The following GPA33 variants were observed in gnomAD, a reference collection of about 807,000 sequenced individuals.
The protein encoded by GPA33 is glycoprotein A33.
In GPA33, 27 loss-of-function variants were observed where a neutral mutation model predicts 35.6. The ratio of observed to expected loss-of-function variants is 0.76; its 90% confidence interval spans 0.56 to 1.04. The LOEUF (loss-of-function observed/expected upper bound fraction) is 1.04, where lower values mean the gene tolerates loss of function less well. GPA33 is among the 50% of genes least tolerant of loss of function. GPA33 has a pLI of 0.00. For missense variants in GPA33, 428 were observed against 411.9 expected, an observed-to-expected ratio of 1.04 and a Z score of -0.34; for synonymous variants, 176 against 164.0, an observed-to-expected ratio of 1.07 and a Z score of -0.56.
At chr1:167,070,866 C>G (rs1487640305) in intron 2 of GPA33, among the ~76,000 whole-genome samples, 1 of 152,108 alleles carries the variant, frequency 6.6e-6, no homozygotes, top group Non-Finnish European at 1.5e-5. Flanking sequence ...GGCAGACTTC[C>G]AGGGTAAGAG....
At position 167,055,796 on chromosome 1, in the gene GPA33, A is replaced by G; in HGVS notation, c.625T>C (p.Tyr209His). 1 of 1,613,930 alleles carries G rather than the reference A, an allele frequency of 6.2e-7. No individual in the cohort carries two copies. The highest frequency in any genetic ancestry group is 8.5e-7 in the Non-Finnish European group (1 of 1,179,840). The change falls in exon 5 of 7, where the codon TAC (tyrosine) becomes CAC (histidine). Residue 209 changes from tyrosine (Y) to histidine (H), a missense_variant. By Grantham distance (83) the Tyr-to-His change is moderately conservative. Transcript: ENST00000367868. Reference sequence around the variant, plus strand: ...TCCTCATTGCTGGAGGTACAGATGTAGTAACCCGATGTGTCTGTGGAGATA... The same window carrying G: ...TCCTCATTGCTGGAGGTACAGATGTGGTAACCCGATGTGTCTGTGGAGATA... ...KNISTDTSGYYICTSSNEEGT... is the reference protein window; with the variant it reads ...KNISTDTSGYHICTSSNEEGT...
chr1:167,077,100 G>T (rs1045613715), intron 1 of GPA33, among the ~76,000 whole-genome samples: 5 of 152,078 alleles, frequency 3.3e-5, no homozygotes, highest in Non-Finnish European at 7.4e-5. Flanking sequence ...CAGCTACTCA[G>T]GAGGCTGAGG....
intron 1 of GPA33, among the ~76,000 whole-genome samples, chr1:167,086,308 C>A (rs922138106): frequency 6.6e-6 from 1 of 152,216 alleles, no homozygotes; most frequent in Non-Finnish European, 1.5e-5. Context: ...AGATGGTGGG[C>A]GGGCCGCTTA....
At chr1:167,085,842 G>A (rs776132178) in intron 1 of GPA33, among the ~76,000 whole-genome samples, 7 of 152,102 alleles carry the variant, frequency 4.6e-5, no homozygotes, top group South Asian at 2.1e-4. Context: ...GTTCCAATTC[G>A]TCTCTACACC....
At position 167,063,641 on chromosome 1, in the gene GPA33, G is replaced by A. The variant is rs748736699; in HGVS notation, c.512C>T (p.Pro171Leu). Residue 171 changes from proline (P) to leucine (L), a missense_variant, in exon 4 of 7, where the codon CCT (proline) becomes CTT (leucine). Coordinates refer to ENST00000367868, the MANE Select transcript of GPA33 (RefSeq NM_005814.3). Reference protein sequence around the residue: ...TCQSKEGSPTPQYSWKRYNIL... With the variant: ...TCQSKEGSPTLQYSWKRYNIL... Reference sequence around the variant, plus strand: ...GTTGTACCTCTTCCAGCTGTACTGAGGGGTTGGTGAGCCCTCCTTTGATTG... The same window carrying A: ...GTTGTACCTCTTCCAGCTGTACTGAAGGGTTGGTGAGCCCTCCTTTGATTG... The A allele has an allele frequency of 4.3e-6, 7 of 1,613,794 alleles. No homozygotes were observed. Among genetic ancestry groups the A allele is most frequent in the Non-Finnish European group, 5.1e-6 (6 of 1,179,988 alleles).
At chr1:167,065,738 G>A (rs1281676904) in intron 3 of GPA33, among the ~76,000 whole-genome samples, 4 of 152,174 alleles carry the variant, frequency 2.6e-5, no homozygotes, top group Non-Finnish European at 4.4e-5. Context: ...TGCTGCCATA[G>A]TGAGGGCTGG....
At chr1:167,063,512 G>GC (rs1666512904) in intron 4 of GPA33, 70 bp downstream of exon 4, 3 of 1,428,700 alleles carry the variant, frequency 2.1e-6, no homozygotes. Flanking sequence ...CCAAGTTGCA[G>GC]CCCCTAGCCA....
chr1:167,063,480 CA>C (rs1370731351), intron 4 of GPA33, 101 bp downstream of exon 4: 1 of 1,018,562 alleles, frequency 9.8e-7, no homozygotes, highest in Non-Finnish European at 1.5e-6. Context: ...AAGCGGCCTT[CA>C]GGGGGATCTG....
intron 4 of GPA33, among the ~76,000 whole-genome samples, chr1:167,057,978 C>T (rs918233768): frequency 1.3e-5 from 2 of 152,224 alleles, no homozygotes; most frequent in African/African-American, 4.8e-5. Flanking sequence ...GCGGGCAGAT[C>T]ACTTGAGGTC....
intron 3 of GPA33, among the ~76,000 whole-genome samples, chr1:167,063,967 C>T (rs575986288): frequency 2.6e-5 from 4 of 152,182 alleles, no homozygotes; most frequent in Admixed American, 6.5e-5. Context: ...GGAAGCATTG[C>T]GGGCCTGCAG....
intron 2 of GPA33, 46 bp from the exon 3 acceptor site, chr1:167,069,184 G>T: frequency 7.2e-7 from 1 of 1,382,824 alleles, no homozygotes; most frequent in Non-Finnish European, 1.0e-6. Flanking sequence ...AAAGGCCCTT[G>T]CCTGGTGCTT....
At chr1:167,085,081 A>G (rs1667023034) in intron 1 of GPA33, among the ~76,000 whole-genome samples, 1 of 152,230 alleles carries the variant, frequency 6.6e-6, no homozygotes, top group African/African-American at 2.4e-5. Context: ...GTGAGACAAT[A>G]GCTCAGGAGA....
At chr1:167,055,666 T>C in intron 5 of GPA33, 64 bp downstream of exon 5, 1 of 1,591,644 alleles carries the variant, frequency 6.3e-7, no homozygotes, top group Non-Finnish European at 8.6e-7. Context: ...CTCAGCTGAC[T>C]TTCTGGACCC....
intron 3 of GPA33, among the ~76,000 whole-genome samples, chr1:167,065,617 G>A (rs773992718): frequency 3.6e-4 from 54 of 152,104 alleles, no homozygotes; most frequent in Admixed American, 5.2e-4. Context: ...GGCCCCACCC[G>A]GCAGCTGCTG....
At chr1:167,057,922 G>C (rs777205175) in intron 4 of GPA33, among the ~76,000 whole-genome samples, 8 of 152,312 alleles carry the variant, frequency 5.3e-5, no homozygotes, top group African/African-American at 1.9e-4. Flanking sequence ...TTTGTGGCCG[G>C]GTACATTGGC....
intron 4 of GPA33, among the ~76,000 whole-genome samples, chr1:167,057,992 A>G (rs929681570): frequency 1.3e-5 from 2 of 152,190 alleles, no homozygotes; most frequent in Non-Finnish European, 2.9e-5. Context: ...TGAGGTCAGG[A>G]GTTCGAGACC....
chr1:167,087,453 T>C (rs1394928027), intron 1 of GPA33, among the ~76,000 whole-genome samples: 1 of 152,178 alleles, frequency 6.6e-6, no homozygotes, highest in Non-Finnish European at 1.5e-5. Flanking sequence ...CAAGAAGACT[T>C]TAGCAAAGTG....
chr1:167,089,171 T>A lies in GPA33; in HGVS notation c.43+1074A>T, dbSNP rs570453892. Among the ~76,000 whole-genome samples the A allele has an allele frequency of 8.5e-4, 129 of 152,314 alleles. 3 individuals are homozygous for A. In the South Asian group the frequency reaches 0.026, roughly 31 times the overall value. On this transcript the variant is annotated intron_variant, in intron 1 of 6. Coordinates refer to ENST00000367868, the MANE Select transcript of GPA33 (RefSeq NM_005814.3). ...GCCCTTCCCCAGCAGCAGGCTGCCCTTCCCTCGAGAGCCCCAAGGCCAGGT... is the reference window on the plus strand; with the variant it reads ...GCCCTTCCCCAGCAGCAGGCTGCCCATCCCTCGAGAGCCCCAAGGCCAGGT...
chr1:167,089,365 C>T (rs759803039), intron 1 of GPA33, among the ~76,000 whole-genome samples: 7 of 152,160 alleles, frequency 4.6e-5, no homozygotes, highest in Non-Finnish European at 1.0e-4. Flanking sequence ...TTCTCCTCCC[C>T]GTTGCAGCTG....
Sources: gnomAD v4.1 joint callset for allele counts (sites outside exome capture counted in the v4.1 genomes callset) on GRCh38, gnomAD v4.1.1 for gene constraint, MANE v1.5 for transcripts, NCBI Gene and HGNC (gene_info 2026-07-23, HGNC 2026-07-21) for gene names.